The following NRXN3 variants were observed in gnomAD, a reference collection of about 807,000 sequenced individuals.
NRXN3 encodes the protein neurexin 3.
Under a neutral mutation model 137.6 loss-of-function variants are expected in NRXN3, and 32 were observed. The observed-to-expected ratio is 0.23, with a 90% CI of 0.18 to 0.31. The LOEUF is 0.31. NRXN3 is among the 10% of genes least tolerant of loss of function. The probability of loss-of-function intolerance (pLI) is 1.00; values close to 1 mark genes in which losing one functional copy is unlikely to be tolerated. For missense variants in NRXN3, 1,574 were observed against 2,062.5 expected, an observed-to-expected ratio of 0.76 and a Z score of 4.59; for synonymous variants, 798 against 784.5, an observed-to-expected ratio of 1.02 and a Z score of -0.29.
chr14:78,805,821 T>A (rs1431409933), intron 9 of NRXN3, among the ~76,000 whole-genome samples: 1 of 152,150 alleles, frequency 6.6e-6, no homozygotes, highest in African/African-American at 2.4e-5. Flanking sequence ...GTGTCAACTT[T>A]GACAGGTCTC....
At chr14:79,224,493 T>A (rs527943391) in intron 15 of NRXN3, among the ~76,000 whole-genome samples, 5 of 152,172 alleles carry the variant, frequency 3.3e-5, no homozygotes, top group Non-Finnish European at 5.9e-5. Flanking sequence ...CAGGGAAGCA[T>A]TGACTGGCCA....
intron 4 of NRXN3, among the ~76,000 whole-genome samples, chr14:78,522,387 A>G (rs2096296608): frequency 6.6e-6 from 1 of 152,194 alleles, no homozygotes; most frequent in African/African-American, 2.4e-5. Context: ...TATGATGTCT[A>G]ATAAATAATT....
chr14:79,565,370 T>C (rs981288717), intron 16 of NRXN3, among the ~76,000 whole-genome samples: 3 of 149,206 alleles, frequency 2.0e-5, no homozygotes, highest in Non-Finnish European at 4.5e-5. Flanking sequence ...CACACACACA[T>C]ATGTATATAT....
intron 15 of NRXN3, among the ~76,000 whole-genome samples, chr14:79,341,293 C>T (rs1221806462): frequency 1.3e-5 from 2 of 152,118 alleles, no homozygotes; most frequent in African/African-American, 4.8e-5. Flanking sequence ...AGCAAGTCAC[C>T]AAGTTCTTAA....
chr14:78,479,192 T>C (rs2095431271), intron 4 of NRXN3, among the ~76,000 whole-genome samples: 1 of 152,098 alleles, frequency 6.6e-6, no homozygotes, highest in African/African-American at 2.4e-5. Flanking sequence ...CCCAGGACCT[T>C]CCCCCACCTG....
At chr14:79,159,457 T>C (rs1277903654) in intron 15 of NRXN3, among the ~76,000 whole-genome samples, 2 of 151,898 alleles carry the variant, frequency 1.3e-5, no homozygotes, top group East Asian at 3.9e-4. Context: ...AGTGAACCAA[T>C]TGAGGTGTCT....
chr14:79,462,512 T>G (rs1244084149), intron 15 of NRXN3, among the ~76,000 whole-genome samples: 1 of 145,764 alleles, frequency 6.9e-6, no homozygotes, highest in Non-Finnish European at 1.5e-5. Context: ...TATACACACA[T>G]ATATGTATAT....
intron 4 of NRXN3, among the ~76,000 whole-genome samples, chr14:78,419,659 G>A (rs2093336594): frequency 6.6e-6 from 1 of 152,170 alleles, no homozygotes; most frequent in Non-Finnish European, 1.5e-5. Flanking sequence ...CAATTAGAGT[G>A]TGGGGGATTC....
chr14:79,814,663 GT>G (rs1262816827), intron 20 of NRXN3, among the ~76,000 whole-genome samples: 1 of 152,106 alleles, frequency 6.6e-6, no homozygotes, highest in Non-Finnish European at 1.5e-5. Flanking sequence ...TTTCCAAAGA[GT>G]TTTTTTCATA....
At chr14:78,602,745 G>A (rs965388370) in intron 4 of NRXN3, among the ~76,000 whole-genome samples, 1 of 152,162 alleles carries the variant, frequency 6.6e-6, no homozygotes, top group South Asian at 2.1e-4. Flanking sequence ...GGCAGAGAGT[G>A]GTGGCTGGCT....
intron 15 of NRXN3, among the ~76,000 whole-genome samples, chr14:79,366,983 T>A (rs1371407189): frequency 4.8e-5 from 7 of 145,644 alleles, no homozygotes; most frequent in African/African-American, 1.8e-4. Flanking sequence ...CCTTAGTCTT[T>A]TTTTTTTTTT....
chr14:79,476,146 G>T (rs1228921636), intron 16 of NRXN3, among the ~76,000 whole-genome samples: 1 of 152,080 alleles, frequency 6.6e-6, no homozygotes, highest in African/African-American at 2.4e-5. Context: ...ATAGATGATG[G>T]ATTTTAGATC....
At chr14:78,246,382 T>C (rs1180908825) in intron 2 of NRXN3, among the ~76,000 whole-genome samples, 1 of 152,232 alleles carries the variant, frequency 6.6e-6, no homozygotes, top group Non-Finnish European at 1.5e-5. Context: ...TAATTGTTTT[T>C]TTTTCCTACA....
chr14:79,704,526 C>T (rs985342459), intron 19 of NRXN3, among the ~76,000 whole-genome samples: 1 of 152,040 alleles, frequency 6.6e-6, no homozygotes, highest in Admixed American at 6.6e-5. Flanking sequence ...TTGCTTTTAC[C>T]ACTAGACAAC....
chr14:78,757,252 C>G (rs377553652), intron 8 of NRXN3, among the ~76,000 whole-genome samples: 2 of 151,886 alleles, frequency 1.3e-5, no homozygotes, highest in African/African-American at 2.4e-5. Flanking sequence ...TACTAAAATA[C>G]AAAAGAAATT....
chr14:78,979,669 C>T lies in NRXN3; in HGVS notation c.3143-8353C>T, dbSNP rs148840126. 2.2e-3 allele frequency among the ~76,000 whole-genome samples: 335 copies of T among 152,148 alleles called. 2 individuals carry two copies. The highest frequency in any genetic ancestry group is 7.9e-3 in the African/African-American group (328 of 41,524). ...TTCTCATGCTGCTAATAAAAATATA[C>T]CCAAGACTGAGTAATTTATAAAGAA... is the stretch of plus-strand genomic sequence containing the variant. On this transcript the variant is annotated intron_variant, in intron 14 of 20. Coordinates refer to ENST00000335750, the MANE Select transcript of NRXN3 (RefSeq NM_001330195.2).
intron 15 of NRXN3, among the ~76,000 whole-genome samples, chr14:79,126,200 G>C (rs1167965566): frequency 1.3e-5 from 2 of 151,762 alleles, no homozygotes; most frequent in Non-Finnish European, 2.9e-5. Flanking sequence ...TATACTTTAA[G>C]TTTTAGGGTA....
chr14:79,359,326 C>A (rs1231002080), intron 15 of NRXN3, among the ~76,000 whole-genome samples: 1 of 152,096 alleles, frequency 6.6e-6, no homozygotes, highest in Non-Finnish European at 1.5e-5. Context: ...AACTGCCTTG[C>A]AAGGGTGATT....
chr14:78,536,019 A>G (rs977154342), intron 4 of NRXN3, among the ~76,000 whole-genome samples: 4 of 151,960 alleles, frequency 2.6e-5, no homozygotes, highest in African/African-American at 9.7e-5. Flanking sequence ...ATGATTCCTA[A>G]TTCTTAAAGC....
Sources: gnomAD v4.1 joint callset for allele counts (sites outside exome capture counted in the v4.1 genomes callset) on GRCh38, gnomAD v4.1.1 for gene constraint, MANE v1.5 for transcripts, NCBI Gene and HGNC (gene_info 2026-07-23, HGNC 2026-07-21) for gene names.